Variants in TMEM135 observed in about 807,000 individuals in gnomAD.
The protein encoded by TMEM135 is transmembrane protein 135, also known as peroxisomal membrane protein 52.
Under a neutral mutation model 60.3 loss-of-function variants are expected in TMEM135, and 30 were observed. That is an observed-to-expected ratio of 0.50 (90% confidence interval 0.37 to 0.68). The LOEUF is 0.68. Among genes scored for constraint, TMEM135 ranks in the 30% least tolerant of loss-of-function variants. TMEM135 has a pLI of 0.00. For missense variants in TMEM135, 468 were observed against 548.8 expected, an observed-to-expected ratio of 0.85 and a Z score of 1.47; for synonymous variants, 190 against 186.7, an observed-to-expected ratio of 1.02 and a Z score of -0.14.
intron 6 of TMEM135, among the ~76,000 whole-genome samples, chr11:87,239,249 G>A (rs1460365942): frequency 6.6e-6 from 1 of 152,028 alleles, no homozygotes; most frequent in Admixed American, 6.6e-5. Flanking sequence ...ATTTTCTGAG[G>A]AAAGGGGTTG....
Position 87,037,934 on chromosome 11 carries a change from A to G in TMEM135, c.-112A>G. ...CCCGCTCTCGTGACCTTTCCCCTCCATTCCGCACCTCCGAGTGCTGGCCGG... is the reference window on the plus strand; with the variant it reads ...CCCGCTCTCGTGACCTTTCCCCTCCGTTCCGCACCTCCGAGTGCTGGCCGG... On this transcript the variant is annotated 5_prime_UTR_variant, in exon 1 of 15. Transcript: ENST00000305494. 6.6e-7 allele frequency: 1 copy of G among 1,514,464 alleles called. No individual in the cohort carries two copies. The highest frequency in any genetic ancestry group is 1.7e-4 in the Middle Eastern group (1 of 5,906). 93.8% of individuals were successfully genotyped at this position (1,514,464 alleles called of 1,614,324 possible).
intron 5 of TMEM135, among the ~76,000 whole-genome samples, chr11:87,167,032 A>G (rs183453351): frequency 6.6e-4 from 101 of 152,078 alleles, no homozygotes; most frequent in Non-Finnish European, 8.8e-4. Flanking sequence ...ATCCCTTGTA[A>G]GTTGTATTCC....
chr11:87,055,391 G>T (rs1949884096), intron 1 of TMEM135, among the ~76,000 whole-genome samples: 1 of 152,148 alleles, frequency 6.6e-6, no homozygotes, highest in Non-Finnish European at 1.5e-5. Context: ...AAAGTTAACT[G>T]CCTACAAACA....
At chr11:87,145,505 A>G (rs1938389439) in intron 4 of TMEM135, among the ~76,000 whole-genome samples, 2 of 152,104 alleles carry the variant, frequency 1.3e-5, no homozygotes, top group Non-Finnish European at 2.9e-5. Context: ...AGAAACTTCT[A>G]TACTTTTTTC....
chr11:87,188,243 G>T (rs145441940), intron 5 of TMEM135, among the ~76,000 whole-genome samples: 13 of 152,200 alleles, frequency 8.5e-5, no homozygotes, highest in African/African-American at 1.4e-4. Flanking sequence ...AGGGCTTTAT[G>T]ATGAAGTCTT....
At chr11:87,090,111 A>G (rs1203494586) in intron 3 of TMEM135, among the ~76,000 whole-genome samples, 1 of 152,110 alleles carries the variant, frequency 6.6e-6, no homozygotes, top group Non-Finnish European at 1.5e-5. Flanking sequence ...CTAGGAGTGT[A>G]TGGCACTGGG....
At chr11:87,317,483 T>C (rs1375939425) in intron 12 of TMEM135, among the ~76,000 whole-genome samples, 1 of 152,198 alleles carries the variant, frequency 6.6e-6, no homozygotes, top group Non-Finnish European at 1.5e-5. Flanking sequence ...CCTCAGTATA[T>C]ACTTTTGGAT....
At chr11:87,270,687 C>T (rs569403183) in intron 6 of TMEM135, among the ~76,000 whole-genome samples, 1 of 152,216 alleles carries the variant, frequency 6.6e-6, no homozygotes, top group African/African-American at 2.4e-5. Flanking sequence ...CTCTCCTGTA[C>T]TCCAGAGCAC....
At chr11:87,271,467 C>T (rs1408698704) in intron 6 of TMEM135, among the ~76,000 whole-genome samples, 1 of 152,136 alleles carries the variant, frequency 6.6e-6, no homozygotes, top group Non-Finnish European at 1.5e-5. Context: ...GCACATACGG[C>T]TATTGAGCCC....
chr11:87,159,116 T>A (rs1938790400), intron 5 of TMEM135, among the ~76,000 whole-genome samples: 1 of 152,164 alleles, frequency 6.6e-6, no homozygotes. Flanking sequence ...AATAGCTGGC[T>A]TTTGATCAAT....
At chr11:87,101,474 T>C (rs1857455027) in intron 4 of TMEM135, among the ~76,000 whole-genome samples, 2 of 152,220 alleles carry the variant, frequency 1.3e-5, no homozygotes, top group Non-Finnish European at 1.5e-5. Flanking sequence ...TTTAAGACAT[T>C]TAAAAATCCT....
At chr11:87,237,834 C>T (rs1377017883) in intron 6 of TMEM135, among the ~76,000 whole-genome samples, 1 of 151,850 alleles carries the variant, frequency 6.6e-6, no homozygotes, top group Non-Finnish European at 1.5e-5. Context: ...TTACCACCCT[C>T]TGGTAACCAT....
At chr11:87,239,082 T>C (rs1196131562) in intron 6 of TMEM135, among the ~76,000 whole-genome samples, 2 of 152,036 alleles carry the variant, frequency 1.3e-5, no homozygotes, top group African/African-American at 4.8e-5. Context: ...CCAGTATTTT[T>C]GGTGTAGAAA....
chr11:87,134,023 T>C (rs1424356184), intron 4 of TMEM135, among the ~76,000 whole-genome samples: 1 of 152,136 alleles, frequency 6.6e-6, no homozygotes, highest in Admixed American at 6.6e-5. Flanking sequence ...CTTTCATTTT[T>C]TTTTTTCCCT....
At chr11:87,061,410 G>A (rs1310828045) in intron 1 of TMEM135, among the ~76,000 whole-genome samples, 3 of 152,178 alleles carry the variant, frequency 2.0e-5, no homozygotes, top group South Asian at 2.1e-4. Context: ...GGCCCAAAAT[G>A]TCAATAGTGC....
At chr11:87,183,045 T>A (rs1403638433) in intron 5 of TMEM135, among the ~76,000 whole-genome samples, 41 of 151,992 alleles carry the variant, frequency 2.7e-4, no homozygotes, top group Non-Finnish European at 2.9e-5. Context: ...GAGAGAAAGC[T>A]ATTGATTGAA....
At chr11:87,184,869 G>A (rs1227446563) in intron 5 of TMEM135, among the ~76,000 whole-genome samples, 2 of 152,110 alleles carry the variant, frequency 1.3e-5, no homozygotes, top group African/African-American at 2.4e-5. Context: ...AACCCAGTAT[G>A]GCAAACATCC....
chr11:87,173,736 G>A (rs1054802114), intron 5 of TMEM135, among the ~76,000 whole-genome samples: 85 of 152,266 alleles, frequency 5.6e-4, no homozygotes, highest in African/African-American at 1.9e-3. Flanking sequence ...ATAACAGTGT[G>A]TGAACTGGTA....
At chr11:87,166,309 A>G (rs1392826101) in intron 5 of TMEM135, among the ~76,000 whole-genome samples, 3 of 151,702 alleles carry the variant, frequency 2.0e-5, no homozygotes, top group Admixed American at 2.0e-4. Flanking sequence ...CTTTAGTTTA[A>G]TTTGATGCTA....
Sources: gnomAD v4.1 joint callset for allele counts (sites outside exome capture counted in the v4.1 genomes callset) on GRCh38, gnomAD v4.1.1 for gene constraint, MANE v1.5 for transcripts, NCBI Gene and HGNC (gene_info 2026-07-23, HGNC 2026-07-21) for gene names.